Variants in TSC22D1 observed in about 807,000 individuals in gnomAD.
TSC22D1 encodes the protein TSC22 domain family member 1.
In TSC22D1, 9 loss-of-function variants were observed where a neutral mutation model predicts 74.2. The ratio of observed to expected loss-of-function variants is 0.12; its 90% CI spans 0.07 to 0.21. The LOEUF (loss-of-function observed/expected upper bound fraction) is 0.21. Among genes scored for constraint, TSC22D1 ranks in the 10% least tolerant of loss-of-function variants. TSC22D1 has a pLI of 1.00. For synonymous variants in TSC22D1, 586 were observed against 492.5 expected (o/e 1.19, Z -2.51); for missense variants, 1,427 against 1,304.7 (o/e 1.09, Z -1.44).
chr13:44,517,873 T>TTTTTTTTTTTTTTC lies in TSC22D1; in HGVS notation c.2912+55289_2912+55290insGAAAAAAAAAAAAA, dbSNP rs1161219206. Among the ~76,000 whole-genome samples, 44 of 109,390 alleles carry TTTTTTTTTTTTTTC rather than the reference T, an allele frequency of 4.0e-4. 2 individuals carry two copies. Among genetic ancestry groups the TTTTTTTTTTTTTTC allele is most frequent in the Non-Finnish European group, 6.0e-4 (31 of 51,856 alleles). The allele number at this position is 109,390 out of a possible 152,430, so 71.8% of individuals were successfully genotyped here. A position where few individuals can be genotyped will look rare whatever the true frequency, so the allele number is the denominator to read the frequency against. On this transcript the variant is annotated intron_variant, in intron 1 of 2. Transcript: ENST00000458659. ...TATATATATATTTTTTTTTTTTTTTTTTTTTTAACAAGGTCTCACTGAGCC... is the reference window on the plus strand; with the variant it reads ...TATATATATATTTTTTTTTTTTTTTTTTTTTTTTTTTTTCTTTTTTAACAAGGTCTCACTGAGCC...
At chr13:44,460,263 C>A (rs895333063) in intron 1 of TSC22D1, among the ~76,000 whole-genome samples, 1 of 152,128 alleles carries the variant, frequency 6.6e-6, no homozygotes, top group African/African-American at 2.4e-5. Flanking sequence ...CAAATTACTC[C>A]TTAAAGTAGA....
intron 1 of TSC22D1, among the ~76,000 whole-genome samples, chr13:44,565,992 T>C (rs187096101): frequency 2.4e-4 from 37 of 152,292 alleles, no homozygotes; most frequent in Non-Finnish European, 5.0e-4. Context: ...AAATAAAACA[T>C]GTCCACCTTA....
chr13:44,434,892 A>G lies in TSC22D1; in HGVS notation c.2965-9T>C. The G allele has an allele frequency of 1.2e-6, 2 of 1,605,754 alleles. No homozygotes were observed. The highest frequency in any genetic ancestry group is 1.7e-6 in the Non-Finnish European group (2 of 1,176,030). On this transcript the variant is annotated splice_polypyrimidine_tract_variant and intron_variant, in intron 2 of 2. Coordinates refer to ENST00000458659, the MANE Select transcript of TSC22D1 (RefSeq NM_183422.4). Reference sequence around the variant, plus strand: ...TGGCTTTTCACTAGATCCTGGAAAGAAGACAGAAAAGGTTTAACTCATTAT... The same window carrying G: ...TGGCTTTTCACTAGATCCTGGAAAGGAGACAGAAAAGGTTTAACTCATTAT...
chr13:44,483,046 TTTACA>T (rs1878254567), intron 1 of TSC22D1, among the ~76,000 whole-genome samples: 1 of 152,224 alleles, frequency 6.6e-6, no homozygotes, highest in Non-Finnish European at 1.5e-5. Flanking sequence ...TGTAATATTC[TTTACA>T]TTAAGAAATT....
At chr13:44,474,866 C>G (rs17210766) in intron 1 of TSC22D1, among the ~76,000 whole-genome samples, 14,123 of 152,010 alleles carry the variant, frequency 0.093, 800 homozygotes, top group Non-Finnish European at 0.13. Context: ...AATGTAGAAA[C>G]GAGATATCTG....
chr13:44,477,638 ATTTT>A (rs35355914), intron 1 of TSC22D1, among the ~76,000 whole-genome samples: 2 of 125,390 alleles, frequency 1.6e-5, no homozygotes, highest in Non-Finnish European at 1.6e-5. Flanking sequence ...GTGCTCATAG[ATTTT>A]TTTTTTTTTT....
chr13:44,469,780 G>A (rs1384556465), intron 1 of TSC22D1, among the ~76,000 whole-genome samples: 4 of 152,068 alleles, frequency 2.6e-5, no homozygotes, highest in South Asian at 2.1e-4. Context: ...CCACTTACTC[G>A]TCTACTATGA....
chr13:44,501,114 A>C (rs938425236), intron 1 of TSC22D1, among the ~76,000 whole-genome samples: 2 of 152,188 alleles, frequency 1.3e-5, no homozygotes, highest in African/African-American at 2.4e-5. Flanking sequence ...CATGGACCGA[A>C]AAGAATAGTG....
At chr13:44,444,453 AT>A (rs1295077207) in intron 1 of TSC22D1, among the ~76,000 whole-genome samples, 1 of 152,094 alleles carries the variant, frequency 6.6e-6, no homozygotes, top group African/African-American at 2.4e-5. Flanking sequence ...GACTTTAAAT[AT>A]AAAAACACAA....
Position 44,575,237 on chromosome 13 carries a change from C to T in TSC22D1, c.838G>A (p.Val280Ile). Residue 280 changes from valine to isoleucine, a missense_variant, in exon 1 of 3, where the codon GTA (valine) becomes ATA (isoleucine). Around this residue, in one of 3 missense-constraint regions of TSC22D1, gnomAD observed 1,343 missense variants for 1,191.5 expected, o/e 1.13. Transcript: ENST00000458659. ...SITPVAPTSA[V>I]SSSGSPASVM... ...GATGCAGGTGAACCACTGGATGATA[C>T]AGCAGAAGTTGGTGCAACTGGTGTG... 6.2e-7 allele frequency: 1 copy of T among 1,614,032 alleles called. No individual in the cohort carries two copies.
intron 1 of TSC22D1, among the ~76,000 whole-genome samples, chr13:44,522,384 T>C (rs886145127): frequency 6.6e-6 from 1 of 152,220 alleles, no homozygotes; most frequent in African/African-American, 2.4e-5. Flanking sequence ...AGGCATTTTA[T>C]TTATGCCTTT....
At chr13:44,489,998 A>C (rs963763883) in intron 1 of TSC22D1, among the ~76,000 whole-genome samples, 4 of 152,238 alleles carry the variant, frequency 2.6e-5, no homozygotes, top group Admixed American at 6.5e-5. Context: ...CAAGACGAAC[A>C]TACACAAACC....
intron 1 of TSC22D1, chr13:44,436,904 G>A (rs1874716320): frequency 1.8e-6 from 2 of 1,087,354 alleles, no homozygotes; most frequent in Admixed American, 5.1e-5. Flanking sequence ...AAAGAGCTGC[G>A]CCGATTGGCC....
At chr13:44,554,485 TAGACGAAACTGTTGC>T (rs1882491917) in intron 1 of TSC22D1, among the ~76,000 whole-genome samples, 1 of 152,132 alleles carries the variant, frequency 6.6e-6, no homozygotes, top group Non-Finnish European at 1.5e-5. Flanking sequence ...TTGAGTGTAC[TAGACGAAACTGTTGC>T]AGACCAAAAC....
intron 1 of TSC22D1, among the ~76,000 whole-genome samples, chr13:44,533,484 G>C (rs61947973): frequency 6.7e-6 from 1 of 148,666 alleles, no homozygotes; most frequent in Admixed American, 6.7e-5. Flanking sequence ...AAAAAAAAAG[G>C]CATGGAAGCA....
chr13:44,541,923 T>A (rs1402407900), intron 1 of TSC22D1, among the ~76,000 whole-genome samples: 2 of 152,100 alleles, frequency 1.3e-5, no homozygotes, highest in Non-Finnish European at 2.9e-5. Flanking sequence ...AAAAGTGCTT[T>A]AAAAATTATT....
At chr13:44,469,320 C>G (rs1350204536) in intron 1 of TSC22D1, among the ~76,000 whole-genome samples, 1 of 152,180 alleles carries the variant, frequency 6.6e-6, no homozygotes. Flanking sequence ...ACATCTTAAG[C>G]CACATTTAAA....
intron 1 of TSC22D1, among the ~76,000 whole-genome samples, chr13:44,521,618 CT>C (rs1226241582): frequency 6.6e-6 from 1 of 151,656 alleles, no homozygotes; most frequent in East Asian, 1.9e-4. Context: ...GTAATCACTC[CT>C]CGCCATGTCT....
chr13:44,504,487 C>T (rs1742474516), intron 1 of TSC22D1, among the ~76,000 whole-genome samples: 1 of 151,648 alleles, frequency 6.6e-6, no homozygotes, highest in Non-Finnish European at 1.5e-5. Flanking sequence ...GCCTGTGTTC[C>T]CAGCTATTTG....
Sources: allele counts gnomAD v4.1 joint callset (sites outside exome capture counted in the v4.1 genomes callset), GRCh38; gene constraint gnomAD v4.1.1; regional missense constraint gnomAD v4.1.1; transcripts MANE v1.5; gene names NCBI Gene and HGNC (gene_info 2026-07-23, HGNC 2026-07-21).